PRDM5: variants seen among roughly 807,000 people sequenced by gnomAD.
PRDM5 encodes the protein PR/SET domain 5.
PRDM5 carries 56 observed loss-of-function variants against 81.2 expected under a neutral mutation model. The observed-to-expected ratio is 0.69, with a 90% CI of 0.56 to 0.86. The LOEUF (loss-of-function observed/expected upper bound fraction) is 0.86, where lower values mean the gene tolerates loss of function less well. PRDM5 is among the 40% of genes least tolerant of loss of function. PRDM5 has a pLI of 0.00. For synonymous variants in PRDM5, 267 were observed against 256.4 expected, an observed-to-expected ratio of 1.04 and a Z score of -0.39; for missense variants, 697 against 770.1, an observed-to-expected ratio of 0.91 and a Z score of 1.12.
chr4:120,847,206 C>G (rs899144488), intron 3 of PRDM5, among the ~76,000 whole-genome samples: 1 of 152,118 alleles, frequency 6.6e-6, no homozygotes, highest in African/African-American at 2.4e-5. Context: ...TAGTCCCTTC[C>G]TACACTGTGC....
At chr4:120,768,715 C>A (rs1319209859) in intron 13 of PRDM5, among the ~76,000 whole-genome samples, 6 of 152,154 alleles carry the variant, frequency 3.9e-5, no homozygotes, top group Non-Finnish European at 1.5e-5. Context: ...TTTGTCAGGA[C>A]CAATTTCCTC....
rs1036100038 is a variant in PRDM5 at position 120,745,860 on chromosome 4, A to G, written c.1623+8693T>C. ...ATCGTGAAAATGGCCATACTGCCCA[A>G]GGTAATTTACAGATTCAATGTCATC... On this transcript the variant is annotated intron_variant, in intron 14 of 15. Transcript: ENST00000264808. Among the ~76,000 whole-genome samples the G allele has an allele frequency of 5.2e-4, 77 of 148,258 alleles. 1 individual carries two copies. Among genetic ancestry groups the G allele is most frequent in the African/African-American group, 1.8e-3 (72 of 39,188 alleles).
In PRDM5 at chr4:120,907,025, G is replaced by T. The variant is rs1765876667; in HGVS notation, c.177+449C>A. Among the ~76,000 whole-genome samples the T allele has an allele frequency of 3.5e-5, 5 of 144,694 alleles. No individual in the cohort carries two copies. The South Asian group carries it at 1.1e-3, about 32-fold the overall frequency. The allele number at this position is 144,694 out of a possible 152,430, so 94.9% of individuals were successfully genotyped here. The stretch of plus-strand genomic sequence containing the variant: ...CTCTAAAAAAAAAAAAAAAAAAGCT[G>T]AACTTTTTTTAAAACCTAAAACATT... On this transcript the variant is annotated intron_variant, in intron 2 of 15. Transcript: ENST00000264808.
At chr4:120,709,939 G>T (rs1736707826) in intron 15 of PRDM5, among the ~76,000 whole-genome samples, 1 of 152,126 alleles carries the variant, frequency 6.6e-6, no homozygotes, top group African/African-American at 2.4e-5. Flanking sequence ...TGTATGACCA[G>T]TCAAATCTCT....
chr4:120,814,516 C>A (rs1276636095), intron 7 of PRDM5, among the ~76,000 whole-genome samples: 1 of 152,164 alleles, frequency 6.6e-6, no homozygotes, highest in Non-Finnish European at 1.5e-5. Context: ...AACCTACCTA[C>A]CCATGTTATG....
At chr4:120,886,130 G>A (rs574023249) in intron 2 of PRDM5, among the ~76,000 whole-genome samples, 2 of 152,252 alleles carry the variant, frequency 1.3e-5, no homozygotes, top group African/African-American at 4.8e-5. Flanking sequence ...ATTTGTTTTA[G>A]GAGTTCCAGC....
At chr4:120,732,278 C>T (rs1292860610) in intron 14 of PRDM5, among the ~76,000 whole-genome samples, 5 of 152,104 alleles carry the variant, frequency 3.3e-5, no homozygotes, top group Non-Finnish European at 7.4e-5. Context: ...AAGTACTTAA[C>T]TCAGTACATA....
chr4:120,896,180 A>C (rs890057789), intron 2 of PRDM5: 3 of 152,122 alleles, frequency 2.0e-5, no homozygotes, highest in Non-Finnish European at 4.4e-5. Flanking sequence ...TCATTGGTGA[A>C]TCAAGTGAAG....
At chr4:120,760,150 T>C (rs1036727147) in intron 13 of PRDM5, among the ~76,000 whole-genome samples, 10 of 152,208 alleles carry the variant, frequency 6.6e-5, no homozygotes, top group Non-Finnish European at 1.0e-4. Context: ...ATGGCTAGCA[T>C]TTTGTGTAAA....
rs1393405450 is a variant in PRDM5 at position 120,749,988 on chromosome 4, C to T, written c.1623+4565G>A. Reference sequence around the variant, plus strand: ...CACCCTCTAGGCCTGTGCTGTCCAACAGAGCTTTCTGTGGTGACCATAATG... The same window carrying T: ...CACCCTCTAGGCCTGTGCTGTCCAATAGAGCTTTCTGTGGTGACCATAATG... On this transcript the variant is annotated intron_variant, in intron 14 of 15. Coordinates refer to ENST00000264808, the MANE Select transcript of PRDM5 (RefSeq NM_018699.4). Among the ~76,000 whole-genome samples the T allele has an allele frequency of 2.0e-5, 3 of 152,216 alleles. No individual in the cohort carries two copies. In the East Asian group the frequency reaches 5.8e-4, roughly 29 times the overall value.
chr4:120,689,461 A>G (rs1733958281), downstream of PRDM5, among the ~76,000 whole-genome samples: 1 of 152,070 alleles, frequency 6.6e-6, no homozygotes, highest in Admixed American at 6.6e-5. Context: ...GTGGAAGATG[A>G]GCAGCAAACA....
intron 3 of PRDM5, among the ~76,000 whole-genome samples, chr4:120,841,996 CACTTCATAGTAAAT>C (rs1325562599): frequency 6.6e-5 from 10 of 152,178 alleles, no homozygotes; most frequent in Admixed American, 6.5e-5. Flanking sequence ...AGCACACTAC[CACTTCATAGTAAAT>C]ACTTCTTTTC....
At chr4:120,900,779 T>C (rs947900547) in intron 2 of PRDM5, among the ~76,000 whole-genome samples, 1 of 152,228 alleles carries the variant, frequency 6.6e-6, no homozygotes, top group African/African-American at 2.4e-5. Flanking sequence ...TATAATGATG[T>C]CTTTTAATTG....
At chr4:120,772,776 C>T (rs1747484504) in intron 13 of PRDM5, among the ~76,000 whole-genome samples, 1 of 152,166 alleles carries the variant, frequency 6.6e-6, no homozygotes, top group African/African-American at 2.4e-5. Context: ...CTGGGAATCA[C>T]CAAGACTCTT....
At chr4:120,715,099 G>C (rs1737557891) in intron 14 of PRDM5, among the ~76,000 whole-genome samples, 1 of 152,082 alleles carries the variant, frequency 6.6e-6, no homozygotes, top group Non-Finnish European at 1.5e-5. Context: ...CCTATAATCT[G>C]AACATACAGT....
chr4:120,718,809 A>G (rs1471290923), intron 14 of PRDM5, among the ~76,000 whole-genome samples: 2 of 152,212 alleles, frequency 1.3e-5, no homozygotes, highest in African/African-American at 2.4e-5. Flanking sequence ...GATCTGTCAG[A>G]CACATTACAA....
chr4:120,873,296 G>C (rs927426367), intron 2 of PRDM5, among the ~76,000 whole-genome samples: 1 of 151,976 alleles, frequency 6.6e-6, no homozygotes, highest in Non-Finnish European at 1.5e-5. Flanking sequence ...GAGCCACCAC[G>C]CCCTGACCAC....
chr4:120,819,540 A>T lies in PRDM5; in HGVS notation c.476-1013T>A, dbSNP rs187585934. ...TATAATAATAATAAAATAAAATTTT[A>T]AAAAAACCAAAATAGCCACAATGCA... On this transcript the variant is annotated intron_variant, in intron 4 of 15. Transcript: ENST00000264808. Among the ~76,000 whole-genome samples the T allele has an allele frequency of 6.1e-4, 93 of 152,216 alleles. No homozygotes were observed. The East Asian group carries it at 7.3e-3, about 12-fold the overall frequency.
chr4:120,885,598 A>T (rs1398848923), intron 2 of PRDM5: 1 of 152,148 alleles, frequency 6.6e-6, no homozygotes, highest in Non-Finnish European at 1.5e-5. Flanking sequence ...GTTCAAGACC[A>T]GTCTGTCCAA....
Sources: gnomAD v4.1 joint callset for allele counts (sites outside exome capture counted in the v4.1 genomes callset) on GRCh38, gnomAD v4.1.1 for gene constraint, MANE v1.5 for transcripts, NCBI Gene and HGNC (gene_info 2026-07-23, HGNC 2026-07-21) for gene names.